The following TP53BP2 variants were observed in gnomAD, a reference collection of about 807,000 sequenced individuals.
TP53BP2 encodes apoptosis-stimulating of p53 protein 2.
TP53BP2 carries 62 observed loss-of-function variants against 126.2 expected under a neutral mutation model. The ratio of observed to expected loss-of-function variants is 0.49; its 90% CI spans 0.40 to 0.61. TP53BP2 has a LOEUF of 0.61. Ranked by LOEUF, TP53BP2 falls within the 20% of genes least tolerant of loss-of-function variation. The pLI is 0.00. For missense variants in TP53BP2, 1,215 were observed against 1,402.8 expected, an observed-to-expected ratio of 0.87 and a Z score of 2.14; for synonymous variants, 485 against 502.9, an observed-to-expected ratio of 0.96 and a Z score of 0.48.
chr1:223,821,141 T>A, intron 2 of TP53BP2, 79 bp downstream of exon 2: 1 of 1,575,648 alleles, frequency 6.3e-7, no homozygotes, highest in South Asian at 1.1e-5. Flanking sequence ...AACATGAGCA[T>A]TCACACAGTG....
chr1:223,792,403 A>G lies in TP53BP2; in HGVS notation c.2982T>C (p.Ala994=), dbSNP rs144918030. ...GAAAATCTTACCATCCATCACTATC[A>G]GCAGCATTTACATTTACACCAAACT... ...LVQFGVNVNA[A]DSDGWTPLHC... The change falls in exon 15 of 18, where the codon GCT becomes GCC. Residue 994 remains alanine (A), a synonymous_variant. Coordinates refer to ENST00000343537, the MANE Select transcript of TP53BP2 (RefSeq NM_001031685.3). 4.5e-5 allele frequency: 73 copies of G among 1,610,792 alleles called. No individual in the cohort carries two copies. Among genetic ancestry groups the G allele is most frequent in the Non-Finnish European group, 5.9e-5 (69 of 1,178,492 alleles).
At position 223,796,032 on chromosome 1, in the gene TP53BP2, A is replaced by G; in HGVS notation, c.2507T>C (p.Leu836Pro). The G allele has an allele frequency of 1.2e-6, 2 of 1,614,088 alleles. No individual in the cohort carries two copies. Among genetic ancestry groups the G allele is most frequent in the Middle Eastern group, 3.3e-4 (2 of 6,060 alleles). ...NSDMPAPSPG[L>P]DYEPEGVPDN... ...TGGGACTCCCTCAGGCTCATAATCA[A>G]GGCCTGGAGAAGGAGCTGGCATGTC... is the stretch of plus-strand genomic sequence containing the variant. The change falls in exon 13 of 18, where the codon CTT becomes CCT. Residue 836 changes from leucine to proline, a missense_variant. Physicochemically the swap from Leu to Pro is moderately conservative, Grantham distance 98. Transcript: ENST00000343537. The surrounding 1 kb of genome is among the most constrained non-coding windows in gnomAD (Gnocchi z 4.2).
At chr1:223,811,542 T>C (rs1407754513) in intron 3 of TP53BP2, among the ~76,000 whole-genome samples, 2 of 152,166 alleles carry the variant, frequency 1.3e-5, no homozygotes, top group Non-Finnish European at 2.9e-5. Context: ...AAAAAAAAAC[T>C]TCTATAATTT....
At position 223,780,575 on chromosome 1, in the gene TP53BP2, A is replaced by G. The variant is rs1571829980; in HGVS notation, c.*278T>C. 2.9e-6 allele frequency: 1 copy of G among 350,138 alleles called. No individual in the cohort carries two copies. Among genetic ancestry groups the G allele is most frequent in the African/African-American group, 2.1e-5 (1 of 47,362 alleles). 21.7% of individuals were successfully genotyped at this position (350,138 alleles called of 1,614,324 possible). A position where few individuals can be genotyped will look rare whatever the true frequency, so the allele number is the denominator to read the frequency against. On this transcript the variant is annotated 3_prime_UTR_variant, in exon 18 of 18. Transcript: ENST00000343537. ...TATTTACTAGACAGGATTCTTGTAG[A>G]AAACAGGATTGTCGCTGTATACTTA... is the stretch of plus-strand genomic sequence containing the variant.
intron 2 of TP53BP2, among the ~76,000 whole-genome samples, chr1:223,814,604 C>G (rs996394805): frequency 2.0e-5 from 3 of 152,170 alleles, no homozygotes; most frequent in Admixed American, 1.3e-4. Flanking sequence ...GCTCAGCAGT[C>G]TAAATCCAGT....
At chr1:223,827,052 A>G (rs901048170) in intron 1 of TP53BP2, among the ~76,000 whole-genome samples, 1 of 152,202 alleles carries the variant, frequency 6.6e-6, no homozygotes, top group African/African-American at 2.4e-5. Flanking sequence ...GGGCCCACAG[A>G]ATGAGGCCTC....
At chr1:223,839,919 G>T (rs1664053037) in intron 1 of TP53BP2, among the ~76,000 whole-genome samples, 1 of 151,928 alleles carries the variant, frequency 6.6e-6, no homozygotes, top group South Asian at 2.1e-4. Context: ...CAGCCTGGGT[G>T]ATAGAGCAAG....
At chr1:223,803,787 C>T (rs528448738) in intron 6 of TP53BP2, among the ~76,000 whole-genome samples, 3 of 152,204 alleles carry the variant, frequency 2.0e-5, no homozygotes, top group East Asian at 1.9e-4. Flanking sequence ...AAAATGGTAT[C>T]GTAATAGATG....
Position 223,780,664 on chromosome 1 carries a change from T to C in TP53BP2, c.*189A>G. On this transcript the variant is annotated 3_prime_UTR_variant, in exon 18 of 18. Transcript: ENST00000343537. ...ATGGCCTGCTGACGTAGATGCTTTA[T>C]TTCATCACGCTAAATGTCCTCTAAT... is the stretch of plus-strand genomic sequence containing the variant. The C allele has an allele frequency of 6.5e-6, 4 of 620,070 alleles. No individual in the cohort carries two copies. The South Asian group carries it at 8.7e-5, about 13-fold the overall frequency. The allele number at this position is 620,070 out of a possible 1,614,324, so 38.4% of individuals were successfully genotyped here.
chr1:223,798,710 A>T, intron 11 of TP53BP2, 33 bp from the exon 12 acceptor site: 1 of 1,483,204 alleles, frequency 6.7e-7, no homozygotes. Context: ...CAGTTAAAAT[A>T]CTATATAACT....
At chr1:223,830,607 T>C (rs1430264768) in intron 1 of TP53BP2, among the ~76,000 whole-genome samples, 2 of 150,428 alleles carry the variant, frequency 1.3e-5, no homozygotes, top group East Asian at 1.9e-4. Flanking sequence ...GTGAGGTCTA[T>C]ATATAGTAAG....
intron 9 of TP53BP2, chr1:223,801,885 A>C: frequency 2.9e-6 from 1 of 348,984 alleles, no homozygotes; most frequent in Non-Finnish European, 5.2e-6. Context: ...ATTATATTTT[A>C]TTTCATTTCC....
chr1:223,800,158 C>T (rs1662480889), intron 10 of TP53BP2, 111 bp from the exon 11 acceptor site: 12 of 1,144,516 alleles, frequency 1.0e-5, no homozygotes, highest in East Asian at 1.0e-4. Flanking sequence ...CCACAAAGCA[C>T]GTTCCTATTT....
At chr1:223,817,917 CTCAGTCTCA>C (rs1274436148) in intron 2 of TP53BP2, among the ~76,000 whole-genome samples, 1 of 142,076 alleles carries the variant, frequency 7.0e-6, no homozygotes, top group African/African-American at 2.7e-5. Flanking sequence ...CAGAGTGAGA[CTCAGTCTCA>C]AAAAAAAAAA....
intron 1 of TP53BP2, among the ~76,000 whole-genome samples, chr1:223,831,581 A>C: frequency 6.8e-6 from 1 of 146,698 alleles, no homozygotes; most frequent in Admixed American, 6.9e-5. Flanking sequence ...ATCACTTTTA[A>C]ATTTTTAAAA....
At chr1:223,806,510 G>A (rs1662723097) in intron 5 of TP53BP2, among the ~76,000 whole-genome samples, 2 of 152,054 alleles carry the variant, frequency 1.3e-5, no homozygotes, top group Admixed American at 6.6e-5. Flanking sequence ...AACAATAGTG[G>A]CCTGTTAGCT....
intron 13 of TP53BP2, among the ~76,000 whole-genome samples, chr1:223,795,529 T>C (rs951843155): frequency 2.0e-5 from 3 of 152,234 alleles, no homozygotes; most frequent in African/African-American, 4.8e-5. Flanking sequence ...AGTCGGGTGC[T>C]GCTTCCCTAA....
At chr1:223,830,388 T>C (rs943276498) in intron 1 of TP53BP2, among the ~76,000 whole-genome samples, 11 of 152,128 alleles carry the variant, frequency 7.2e-5, no homozygotes, top group Non-Finnish European at 1.0e-4. Flanking sequence ...AGATCCAACA[T>C]AGATGAGGTT....
intron 6 of TP53BP2, 69 bp from the exon 7 acceptor site, chr1:223,803,521 C>G: frequency 7.0e-7 from 1 of 1,433,168 alleles, no homozygotes; most frequent in Non-Finnish European, 9.3e-7. Flanking sequence ...CCCAGGCAAC[C>G]GGGCTTTACA....
Sources: allele counts gnomAD v4.1 joint callset (sites outside exome capture counted in the v4.1 genomes callset), GRCh38; gene constraint gnomAD v4.1.1; non-coding constraint Gnocchi (gnomAD v3.1); transcripts MANE v1.5; gene names NCBI Gene and HGNC (gene_info 2026-07-23, HGNC 2026-07-21).